Variants in TRIM2 observed in about 807,000 individuals in gnomAD.
The protein encoded by TRIM2 is tripartite motif containing 2, also known as tripartite motif-containing protein 2.
Under a neutral mutation model 75.2 loss-of-function variants are expected in TRIM2, and 20 were observed. The ratio of observed to expected loss-of-function variants is 0.27; its 90% CI spans 0.19 to 0.39. TRIM2 has a LOEUF of 0.39. Among genes scored for constraint, TRIM2 ranks in the 10% least tolerant of loss-of-function variants. The probability of loss-of-function intolerance (pLI) is 1.00; values close to 1 mark genes in which losing one functional copy is unlikely to be tolerated. For missense variants in TRIM2, 660 were observed against 990.8 expected (o/e 0.67, Z 4.48); for synonymous variants, 373 against 388.3 (o/e 0.96, Z 0.46).
chr4:153,234,050 T>C (rs1744358585), intron 1 of TRIM2, among the ~76,000 whole-genome samples: 1 of 152,238 alleles, frequency 6.6e-6, no homozygotes, highest in African/African-American at 2.4e-5. Context: ...TCTGCATCTT[T>C]TCCTGCACCA....
intron 1 of TRIM2, among the ~76,000 whole-genome samples, chr4:153,181,781 G>T (rs1325773356): frequency 6.6e-6 from 1 of 152,218 alleles, no homozygotes; most frequent in Non-Finnish European, 1.5e-5. Flanking sequence ...ACTCAGGATC[G>T]TTGGGTGCCC....
At chr4:153,247,397 C>T (rs1749486270) in intron 1 of TRIM2, among the ~76,000 whole-genome samples, 1 of 152,148 alleles carries the variant, frequency 6.6e-6, no homozygotes, top group Non-Finnish European at 1.5e-5. Flanking sequence ...GTTTAGGCAC[C>T]AGGCGCGGTC....
At chr4:153,320,968 C>T (rs1038638943) in intron 8 of TRIM2, among the ~76,000 whole-genome samples, 1 of 152,152 alleles carries the variant, frequency 6.6e-6, no homozygotes, top group Non-Finnish European at 1.5e-5. Flanking sequence ...ATCTGCTTCC[C>T]TCCAACACGT....
At position 153,239,301 on chromosome 4, in the gene TRIM2, G is replaced by A. The variant is rs542407379; in HGVS notation, c.31-31034G>A. Among the ~76,000 whole-genome samples, 25 of 150,558 alleles carry A rather than the reference G, an allele frequency of 1.7e-4. No individual in the cohort carries two copies. In the South Asian group the frequency reaches 5.3e-3, roughly 32 times the overall value. On this transcript the variant is annotated intron_variant, in intron 1 of 11. Coordinates refer to ENST00000338700, the MANE Select transcript of TRIM2 (RefSeq NM_015271.5). ...CGGGAGGCAGAGCTTGCAGTGAGCC[G>A]AGATCGTGCCACTGCACTCCAGCCT...
intron 1 of TRIM2, among the ~76,000 whole-genome samples, chr4:153,192,250 GT>G (rs1466870655): frequency 6.6e-6 from 1 of 152,150 alleles, no homozygotes; most frequent in Non-Finnish European, 1.5e-5. Flanking sequence ...AAAGTGTCAA[GT>G]CTCTACATTA....
At chr4:153,216,780 A>G (rs577130693) in intron 1 of TRIM2, among the ~76,000 whole-genome samples, 2 of 152,270 alleles carry the variant, frequency 1.3e-5, no homozygotes, top group Non-Finnish European at 2.9e-5. Flanking sequence ...TACATTGTGA[A>G]GGGGATGGAA....
intron 1 of TRIM2, among the ~76,000 whole-genome samples, chr4:153,219,926 A>G (rs143946704): frequency 1.1e-3 from 166 of 152,344 alleles, no homozygotes; most frequent in Admixed American, 2.4e-3. Flanking sequence ...AATAGAGCAC[A>G]AGATTCATTT....
chr4:153,201,620 A>G (rs993855870), upstream of TRIM2, among the ~76,000 whole-genome samples: 7 of 152,050 alleles, frequency 4.6e-5, no homozygotes, highest in Admixed American at 1.3e-4. Flanking sequence ...ATGGGAGGTA[A>G]AAGCTGCAGT....
In TRIM2 at chr4:153,275,909, A is replaced by G; in HGVS notation, c.232A>G (p.Ile78Val). 15 of 1,614,178 alleles carry G rather than the reference A, an allele frequency of 9.3e-6. No homozygotes were observed. Among genetic ancestry groups the G allele is most frequent in the Non-Finnish European group, 1.3e-5 (15 of 1,180,018 alleles). The change falls in exon 3 of 12, where the codon ATT becomes GTT. Residue 78 changes from isoleucine to valine, a missense_variant. Transcript: ENST00000338700. ...CTGCAACAGGTGCCTGCAGAACTAC[A>G]TTCCTGCCCACAGTTTAACCCTCTC... ...TFCERCLQNY[I>V]PAHSLTLSCP...
intron 1 of TRIM2, among the ~76,000 whole-genome samples, chr4:153,196,653 T>C (rs1184313139): frequency 1.3e-5 from 2 of 152,224 alleles, no homozygotes; most frequent in East Asian, 1.9e-4. Flanking sequence ...GGCTCTCTGG[T>C]AGCTTCTTCA....
At chr4:153,165,843 T>G (rs1730248722) in intron 1 of TRIM2, among the ~76,000 whole-genome samples, 2 of 152,208 alleles carry the variant, frequency 1.3e-5, no homozygotes, top group Non-Finnish European at 2.9e-5. Context: ...TCATGGTGAC[T>G]TGCCATGATT....
At chr4:153,233,321 G>A (rs1187608245) in intron 1 of TRIM2, among the ~76,000 whole-genome samples, 1 of 151,902 alleles carries the variant, frequency 6.6e-6, no homozygotes, top group East Asian at 1.9e-4. Context: ...AAGGAAGGAA[G>A]TCAGATGATA....
intron 1 of TRIM2, among the ~76,000 whole-genome samples, chr4:153,233,820 A>C (rs1744292571): frequency 6.6e-6 from 1 of 152,158 alleles, no homozygotes; most frequent in African/African-American, 2.4e-5. Flanking sequence ...CCTGCCAGCA[A>C]AACCATTTCC....
chr4:153,329,698 G>A (rs1771026276), intron 11 of TRIM2, among the ~76,000 whole-genome samples: 1 of 151,900 alleles, frequency 6.6e-6, no homozygotes, highest in Non-Finnish European at 1.5e-5. Context: ...TTTGCCAGGT[G>A]TGGTGGCAGG....
intron 6 of TRIM2, among the ~76,000 whole-genome samples, chr4:153,311,894 T>TTTTTTTTATTTATTTA (rs1553998927): frequency 6.9e-6 from 1 of 144,298 alleles, no homozygotes; most frequent in Non-Finnish European, 1.5e-5. Flanking sequence ...GTTTTTATTC[T>TTTTTTTTATTTATTTA]TTTATTTATT....
At chr4:153,177,709 C>CCTTCCTTCCTTA (rs1731598164) in intron 1 of TRIM2, among the ~76,000 whole-genome samples, 2 of 126,412 alleles carry the variant, frequency 1.6e-5, no homozygotes. Flanking sequence ...GTGGCTCGCT[C>CCTTCCTTCCTTA]CTTCCTTCCT....
rs770558554 is a variant in TRIM2, at chr4:153,295,732, C to T, written c.1206C>T (p.Ser402=). Reference sequence around the variant, plus strand: ...CCGAACTGAGCACCCCCGACGGGAGCGTGGCAGACGGGGAGATCCTGGACA... The same window carrying T: ...CCGAACTGAGCACCCCCGACGGGAGTGTGGCAGACGGGGAGATCCTGGACA... ...LTAELSTPDG[S]VADGEILDNK... is the part of the protein sequence containing the mutation. Residue 402 remains serine (S), a synonymous_variant, in exon 6 of 12, where the codon AGC becomes AGT. Coordinates refer to ENST00000338700, the MANE Select transcript of TRIM2 (RefSeq NM_015271.5). The surrounding 1 kb of genome is among the most constrained non-coding windows in gnomAD (Gnocchi z 7.2). 4.0e-5 allele frequency: 64 copies of T among 1,613,794 alleles called. No homozygotes were observed. Among genetic ancestry groups the T allele is most frequent in the Non-Finnish European group, 5.1e-5 (60 of 1,179,928 alleles).
At chr4:153,299,731 C>G (rs936497493) in intron 6 of TRIM2, among the ~76,000 whole-genome samples, 15 of 152,054 alleles carry the variant, frequency 9.9e-5, no homozygotes, top group African/African-American at 3.6e-4. Context: ...CCTGCTTTGA[C>G]CCGAGTCACC....
intron 1 of TRIM2, among the ~76,000 whole-genome samples, chr4:153,164,960 A>G (rs905123144): frequency 6.6e-6 from 1 of 150,964 alleles, no homozygotes; most frequent in Admixed American, 6.6e-5. Flanking sequence ...TCATTTTTTT[A>G]TACTAGATTT....
Sources: gnomAD v4.1 joint callset for allele counts (sites outside exome capture counted in the v4.1 genomes callset) on GRCh38, gnomAD v4.1.1 for gene constraint, Gnocchi (gnomAD v3.1) non-coding constraint, MANE v1.5 for transcripts, NCBI Gene and HGNC (gene_info 2026-07-23, HGNC 2026-07-21) for gene names.